Variants in CLUL1 observed in about 807,000 individuals in gnomAD.
CLUL1 encodes the protein clusterin-like protein 1.
CLUL1 carries 43 observed loss-of-function variants against 49.4 expected under a neutral mutation model. The ratio of observed to expected loss-of-function variants is 0.87; its 90% CI spans 0.68 to 1.12. The LOEUF (loss-of-function observed/expected upper bound fraction) is 1.12. CLUL1 is among the 50% of genes most tolerant of loss of function. The pLI is 0.00. For missense variants in CLUL1, 486 were observed against 544.4 expected (o/e 0.89, Z 1.07); for synonymous variants, 192 against 184.9 (o/e 1.04, Z -0.31).
intron 2 of CLUL1, among the ~76,000 whole-genome samples, chr18:610,488 T>A (rs2073102516): frequency 6.6e-6 from 1 of 152,060 alleles, no homozygotes; most frequent in Non-Finnish European, 1.5e-5. Flanking sequence ...GAAACTGAAA[T>A]CCCTGAGGGC....
At position 602,949 on chromosome 18, in the gene CLUL1, T is replaced by C. The variant is rs201837761; in HGVS notation, c.-135-4029T>C. ...TCAGAGAGTTTCAGGGTGGGGAAGG[T>C]CTTGCAGGACCTTGTAGGTAATTGT... On this transcript the variant is annotated intron_variant, in intron 1 of 9. Coordinates refer to ENST00000692774, the MANE Select transcript of CLUL1 (RefSeq NM_001393344.1). Among the ~76,000 whole-genome samples, 21 of 152,222 alleles carry C rather than the reference T, an allele frequency of 1.4e-4. No individual in the cohort carries two copies. The East Asian group carries it at 4.1e-3, about 29-fold the overall frequency.
intron 1 of CLUL1, among the ~76,000 whole-genome samples, chr18:604,945 G>A (rs1046045049): frequency 2.6e-5 from 4 of 152,162 alleles, no homozygotes; most frequent in Non-Finnish European, 4.4e-5. Flanking sequence ...TGGGACCTTC[G>A]TCCACTAGGG....
chr18:610,206 T>G (rs2073093193), intron 2 of CLUL1, among the ~76,000 whole-genome samples: 1 of 151,852 alleles, frequency 6.6e-6, no homozygotes, highest in African/African-American at 2.4e-5. Context: ...GATATTTAAT[T>G]ATGTATGATT....
chr18:637,655 CG>C (rs2074187705), intron 7 of CLUL1, among the ~76,000 whole-genome samples: 1 of 152,042 alleles, frequency 6.6e-6, no homozygotes, highest in Non-Finnish European at 1.5e-5. Flanking sequence ...GACCTTTTCG[CG>C]GGGTTACCTA....
intron 2 of CLUL1, among the ~76,000 whole-genome samples, chr18:612,461 G>A (rs1222105601): frequency 1.3e-5 from 2 of 152,104 alleles, no homozygotes; most frequent in African/African-American, 4.8e-5. Flanking sequence ...TGCACCCCTC[G>A]CTCAGAAGGG....
rs2143937646 is a variant in CLUL1 at position 606,475 on chromosome 18, A to T, written c.-135-503A>T. ...TTCAAATCGGAGTTCTTTCTTCATG[A>T]CATTTCTTTGCAAAGTCCCGGAACC... is the stretch of plus-strand genomic sequence containing the variant. On this transcript the variant is annotated intron_variant, in intron 1 of 9. Transcript: ENST00000692774. This position sits in a 1 kb window ranked among gnomAD's most constrained non-coding sequence, Gnocchi z 4.1. Among the ~76,000 whole-genome samples, 1 of 152,296 alleles carries T rather than the reference A, an allele frequency of 6.6e-6. No individual in the cohort carries two copies. Among genetic ancestry groups the T allele is most frequent in the South Asian group, 2.1e-4 (1 of 4,824 alleles).
rs1491461298 is a variant in CLUL1 at position 636,625 on chromosome 18, T to TC, written c.994+3190_994+3191insC. 1.3e-4 allele frequency among the ~76,000 whole-genome samples: 4 copies of TC among 30,958 alleles called. 1 individual carries two copies. Among genetic ancestry groups the TC allele is most frequent in the African/African-American group, 4.7e-4 (4 of 8,508 alleles). The allele number at this position is 30,958 out of a possible 152,430, so 20.3% of individuals were successfully genotyped here. A position where few individuals can be genotyped will look rare whatever the true frequency, so the allele number is the denominator to read the frequency against. On this transcript the variant is annotated intron_variant, in intron 7 of 9. Transcript: ENST00000692774. ...GAGTCGACAACACTCCCTTTCTCTC[T>TC]TTTTTTTTTTTTTTTTTTGTGCCAG...
chr18:611,085 G>T (rs1392345620), intron 2 of CLUL1, among the ~76,000 whole-genome samples: 5 of 151,828 alleles, frequency 3.3e-5, no homozygotes, highest in African/African-American at 1.2e-4. Context: ...CTTCCTCCTG[G>T]TCTCCCTCAC....
At chr18:643,187 C>A (rs1178283375) in intron 8 of CLUL1, among the ~76,000 whole-genome samples, 1 of 152,172 alleles carries the variant, frequency 6.6e-6, no homozygotes, top group Admixed American at 6.5e-5. Context: ...TTTCATAAGT[C>A]ATATGCACAT....
chr18:649,657 GA>G, intron 9 of CLUL1: 1 of 436,464 alleles, frequency 2.3e-6, no homozygotes, highest in East Asian at 3.7e-5. Context: ...CACATCAGAG[GA>G]AAAGACCATC....
At chr18:613,924 G>C (rs114578419) in intron 2 of CLUL1, among the ~76,000 whole-genome samples, 2 of 152,110 alleles carry the variant, frequency 1.3e-5, no homozygotes, top group African/African-American at 4.8e-5. Context: ...AAATCATTTC[G>C]TACATTCCAG....
intron 6 of CLUL1, among the ~76,000 whole-genome samples, chr18:632,326 G>GTA (rs199704914): frequency 2.4e-5 from 3 of 123,164 alleles, no homozygotes; most frequent in Non-Finnish European, 3.4e-5. Flanking sequence ...ACATATGTGT[G>GTA]TATATATATG....
intron 7 of CLUL1, among the ~76,000 whole-genome samples, chr18:638,890 T>G (rs1244211098): frequency 6.6e-6 from 1 of 151,722 alleles, no homozygotes; most frequent in Non-Finnish European, 1.5e-5. Context: ...TCACCTAGAT[T>G]GAGAAATAGA....
chr18:604,121 T>A (rs1454414221), intron 1 of CLUL1, among the ~76,000 whole-genome samples: 2 of 152,234 alleles, frequency 1.3e-5, no homozygotes, highest in Non-Finnish European at 1.5e-5. Flanking sequence ...GCTCAAGTGA[T>A]CCAACCGCCT....
chr18:617,909 C>T (rs2073348614), intron 2 of CLUL1, 79 bp from the exon 3 acceptor site: 1 of 1,157,774 alleles, frequency 8.6e-7, no homozygotes, highest in Non-Finnish European at 1.3e-6. Flanking sequence ...TGCTTTGGAG[C>T]CCCAGGTGTT....
intron 7 of CLUL1, among the ~76,000 whole-genome samples, chr18:638,407 A>T (rs185361933): frequency 6.6e-6 from 1 of 152,364 alleles, no homozygotes; most frequent in Non-Finnish European, 1.5e-5. Context: ...GATAATCAAT[A>T]TGCACCAGAT....
chr18:635,720 A>T lies in CLUL1; in HGVS notation c.994+2285A>T, dbSNP rs2074115887. On this transcript the variant is annotated intron_variant, in intron 7 of 9. Transcript: ENST00000692774. ...TCAATCTAACAGTGAGCAAGTTGCAACAAATCGCGCCGTTCAGAGAAAAGG... is the reference window on the plus strand; with the variant it reads ...TCAATCTAACAGTGAGCAAGTTGCATCAAATCGCGCCGTTCAGAGAAAAGG... Among the ~76,000 whole-genome samples, 6 of 152,206 alleles carry T rather than the reference A, an allele frequency of 3.9e-5. 1 individual carries two copies. In the South Asian group the frequency reaches 1.2e-3, roughly 32 times the overall value.
intron 9 of CLUL1, among the ~76,000 whole-genome samples, chr18:645,807 AAAAAT>A (rs1304420759): frequency 3.5e-4 from 24 of 69,152 alleles, no homozygotes; most frequent in Admixed American, 9.0e-4. Flanking sequence ...AAAAAAAAAA[AAAAAT>A]ATATATATAT....
At chr18:610,422 TGA>T (rs780718504) in intron 2 of CLUL1, among the ~76,000 whole-genome samples, 2 of 151,660 alleles carry the variant, frequency 1.3e-5, no homozygotes, top group Non-Finnish European at 2.9e-5. Flanking sequence ...CTGGATCTGG[TGA>T]CAGGGAGATA....
Sources: gnomAD v4.1 joint callset for allele counts (sites outside exome capture counted in the v4.1 genomes callset) on GRCh38, gnomAD v4.1.1 for gene constraint, Gnocchi (gnomAD v3.1) non-coding constraint, MANE v1.5 for transcripts, NCBI Gene and HGNC (gene_info 2026-07-23, HGNC 2026-07-21) for gene names.